The following PCDH15 variants were observed in gnomAD, a reference collection of about 807,000 sequenced individuals.
The protein encoded by PCDH15 is protocadherin-15.
Under a neutral mutation model 178.5 loss-of-function variants are expected in PCDH15, and 129 were observed. That is an observed-to-expected ratio of 0.72 (90% CI 0.63 to 0.84). PCDH15 has a LOEUF of 0.84. Ranked by LOEUF, PCDH15 falls within the 40% of genes least tolerant of loss-of-function variation. PCDH15 has a pLI of 0.00. For missense variants in PCDH15, 2,230 were observed against 2,099.9 expected, an observed-to-expected ratio of 1.06 and a Z score of -1.21; for synonymous variants, 800 against 732.0, an observed-to-expected ratio of 1.09 and a Z score of -1.50.
intron 7 of PCDH15, among the ~76,000 whole-genome samples, chr10:54,324,978 G>A (rs2061847995): frequency 7.2e-6 from 1 of 139,708 alleles, no homozygotes; most frequent in East Asian, 2.0e-4. Flanking sequence ...ATAATAATAT[G>A]TAGTAAATTT....
intron 20 of PCDH15, among the ~76,000 whole-genome samples, chr10:54,010,184 G>A: frequency 6.6e-6 from 1 of 152,038 alleles, no homozygotes; most frequent in Admixed American, 6.5e-5. Flanking sequence ...TTGCTCTTAG[G>A]CTTGGGAGGG....
chr10:54,712,303 A>C (rs935517019), intron 1 of PCDH15, among the ~76,000 whole-genome samples: 5 of 151,908 alleles, frequency 3.3e-5, no homozygotes, highest in African/African-American at 1.2e-4. Context: ...GTTCAAACAA[A>C]GCATTTCGAA....
intron 3 of PCDH15, among the ~76,000 whole-genome samples, chr10:54,447,572 T>C (rs1189665722): frequency 6.6e-6 from 1 of 151,708 alleles, no homozygotes; most frequent in Non-Finnish European, 1.5e-5. Context: ...ATTTCTTTCC[T>C]TTTTAAGGCC....
intron 2 of PCDH15, among the ~76,000 whole-genome samples, chr10:55,577,633 C>A (rs1031097133): frequency 6.6e-6 from 1 of 151,948 alleles, no homozygotes; most frequent in African/African-American, 2.4e-5. Context: ...CCACCATATT[C>A]CTGGTAAAAG....
intron 3 of PCDH15, among the ~76,000 whole-genome samples, chr10:54,830,243 T>C (rs527511391): frequency 1.5e-3 from 227 of 152,134 alleles, no homozygotes; most frequent in African/African-American, 5.2e-3. Flanking sequence ...GGTATATACC[T>C]AAAGGATTAT....
At chr10:54,890,673 T>C (rs1463913850) in intron 3 of PCDH15, among the ~76,000 whole-genome samples, 2 of 151,928 alleles carry the variant, frequency 1.3e-5, no homozygotes, top group East Asian at 3.9e-4. Context: ...CTAGGTAGAG[T>C]ATAACACATC....
intron 1 of PCDH15, among the ~76,000 whole-genome samples, chr10:54,692,953 G>T (rs139841040): frequency 6.6e-6 from 1 of 151,824 alleles, no homozygotes; most frequent in Non-Finnish European, 1.5e-5. Flanking sequence ...GGTGCAGAAC[G>T]TGCAGGTTCG....
chr10:54,911,793 T>G (rs1377767777), intron 2 of PCDH15, among the ~76,000 whole-genome samples: 1 of 152,196 alleles, frequency 6.6e-6, no homozygotes, highest in Non-Finnish European at 1.5e-5. Context: ...CTGTCTCTCT[T>G]GCCACCTTGT....
chr10:54,161,836 A>G (rs191338904), intron 13 of PCDH15, among the ~76,000 whole-genome samples: 1 of 151,780 alleles, frequency 6.6e-6, no homozygotes, highest in East Asian at 1.9e-4. Flanking sequence ...TGCTATATAA[A>G]CCCCTAATTT....
At chr10:54,940,485 G>A (rs908893022) in intron 2 of PCDH15, among the ~76,000 whole-genome samples, 2 of 152,088 alleles carry the variant, frequency 1.3e-5, no homozygotes, top group Non-Finnish European at 2.9e-5. Flanking sequence ...CATTTGAAAA[G>A]AAAGTATATA....
chr10:55,193,696 T>C (rs1244475942), intron 1 of PCDH15, among the ~76,000 whole-genome samples: 2 of 152,050 alleles, frequency 1.3e-5, no homozygotes, highest in East Asian at 3.8e-4. Flanking sequence ...TGTGTGTTTT[T>C]AACTTTATCA....
chr10:54,785,079 T>C (rs1950720001), intron 1 of PCDH15, among the ~76,000 whole-genome samples: 1 of 151,474 alleles, frequency 6.6e-6, no homozygotes, highest in Non-Finnish European at 1.5e-5. Flanking sequence ...GACCCAAATA[T>C]CAGATCAGAA....
At chr10:53,808,331 T>C in intron 37 of PCDH15, 1 of 274,382 alleles carries the variant, frequency 3.6e-6, no homozygotes, top group Non-Finnish European at 5.2e-6. Flanking sequence ...TGTGTGTGTG[T>C]ATATATATAT....
intron 1 of PCDH15, among the ~76,000 whole-genome samples, chr10:54,697,101 T>C (rs867550419): frequency 6.6e-6 from 1 of 152,102 alleles, no homozygotes; most frequent in African/African-American, 2.4e-5. Context: ...GATATTATTG[T>C]TATTATGTCT....
At chr10:54,014,422 A>G (rs1372375052) in intron 20 of PCDH15, among the ~76,000 whole-genome samples, 3 of 152,106 alleles carry the variant, frequency 2.0e-5, no homozygotes, top group African/African-American at 7.2e-5. Flanking sequence ...TGAGGCCAAA[A>G]TCATCTTGAT....
intron 6 of PCDH15, among the ~76,000 whole-genome samples, chr10:54,332,180 T>C (rs1193025443): frequency 7.0e-6 from 1 of 142,710 alleles, no homozygotes; most frequent in African/African-American, 2.6e-5. Context: ...CTTATTATGA[T>C]AGATAATAAA....
intron 3 of PCDH15, among the ~76,000 whole-genome samples, chr10:54,518,586 A>AAG (rs1177953864): frequency 6.6e-6 from 1 of 152,160 alleles, no homozygotes; most frequent in East Asian, 1.9e-4. Context: ...ACCAACCAAA[A>AAG]AGAGTCCAGG....
At chr10:54,347,632 A>G (rs1284269129) in intron 5 of PCDH15, among the ~76,000 whole-genome samples, 3 of 151,932 alleles carry the variant, frequency 2.0e-5, no homozygotes, top group Non-Finnish European at 4.4e-5. Context: ...CCCTCAGGTA[A>G]TGTAAATGAG....
At chr10:54,325,755 A>G (rs1477175262) in intron 7 of PCDH15, among the ~76,000 whole-genome samples, 1 of 151,920 alleles carries the variant, frequency 6.6e-6, no homozygotes, top group Admixed American at 6.6e-5. Flanking sequence ...CTCCCCTCCC[A>G]AAAAGAAAAT....
Sources: gnomAD v4.1 joint callset for allele counts (sites outside exome capture counted in the v4.1 genomes callset) on GRCh38, gnomAD v4.1.1 for gene constraint, MANE v1.5 for transcripts, NCBI Gene and HGNC (gene_info 2026-07-23, HGNC 2026-07-21) for gene names.